Variants in CDH13 observed in about 807,000 individuals in gnomAD.
CDH13 encodes cadherin-13.
A neutral mutation model predicts 63.8 loss-of-function variants in CDH13; 24 were observed. That is an observed-to-expected ratio of 0.38 (90% CI 0.27 to 0.53). CDH13 has a LOEUF of 0.53. Among genes scored for constraint, CDH13 ranks in the 20% least tolerant of loss-of-function variants. CDH13 has a pLI of 0.85. For synonymous variants in CDH13, 503 were observed against 355.3 expected, an observed-to-expected ratio of 1.42 and a Z score of -4.67; for missense variants, 1,049 against 903.1, an observed-to-expected ratio of 1.16 and a Z score of -2.07.
At chr16:83,384,248 G>A (rs1288767574) in intron 6 of CDH13, among the ~76,000 whole-genome samples, 1 of 152,058 alleles carries the variant, frequency 6.6e-6, no homozygotes, top group Non-Finnish European at 1.5e-5. Flanking sequence ...TTGATTTGAT[G>A]AAATCACATG....
intron 1 of CDH13, chr16:82,688,953 A>G (rs1915359561): frequency 6.6e-6 from 1 of 152,166 alleles, no homozygotes; most frequent in Non-Finnish European, 1.5e-5. Flanking sequence ...GTGCTGAGAC[A>G]TTAAAGATCC....
chr16:83,355,136 T>C (rs1300459709), intron 6 of CDH13, among the ~76,000 whole-genome samples: 3 of 152,198 alleles, frequency 2.0e-5, no homozygotes, highest in East Asian at 3.9e-4. Context: ...TGCTATTCTG[T>C]GGAGAGAGAA....
At chr16:83,269,080 A>G (rs577842385) in intron 5 of CDH13, among the ~76,000 whole-genome samples, 9 of 152,248 alleles carry the variant, frequency 5.9e-5, no homozygotes, top group Non-Finnish European at 8.8e-5. Flanking sequence ...CAGAAAAACA[A>G]TGACTTCATA....
In CDH13 at chr16:83,540,649, C is replaced by T. The variant is rs1030754399; in HGVS notation, c.960+53994C>T. On this transcript the variant is annotated intron_variant, in intron 7 of 13. Coordinates refer to ENST00000567109, the MANE Select transcript of CDH13 (RefSeq NM_001257.5). ...CACTCTCAAGTAGTAACAGTAGTAA[C>T]TGTCCTAATGACATCTCAAGTAGTA... Among the ~76,000 whole-genome samples, 3 of 152,336 alleles carry T rather than the reference C, an allele frequency of 2.0e-5. No homozygotes were observed. In the East Asian group the frequency reaches 5.8e-4, roughly 29 times the overall value.
intron 1 of CDH13, among the ~76,000 whole-genome samples, chr16:82,831,140 G>T (rs572695937): frequency 1.3e-5 from 2 of 152,214 alleles, no homozygotes; most frequent in East Asian, 3.9e-4. Context: ...CACCAGACCT[G>T]TTGAATAGGA....
At chr16:83,146,918 T>C (rs1299311444) in intron 4 of CDH13, among the ~76,000 whole-genome samples, 2 of 152,132 alleles carry the variant, frequency 1.3e-5, no homozygotes, top group East Asian at 1.9e-4. Context: ...TGAAACCCTG[T>C]CTCTACTAAA....
intron 7 of CDH13, among the ~76,000 whole-genome samples, chr16:83,566,786 C>A (rs1315675856): frequency 6.6e-6 from 1 of 152,144 alleles, no homozygotes; most frequent in Non-Finnish European, 1.5e-5. Flanking sequence ...GCCTGGTGTT[C>A]TTTGCGTGTT....
intron 1 of CDH13, among the ~76,000 whole-genome samples, chr16:82,754,859 C>G (rs986804876): frequency 8.5e-5 from 13 of 152,124 alleles, no homozygotes; most frequent in African/African-American, 3.1e-4. Context: ...TCAGTGGGTA[C>G]TTCATGAGCC....
At chr16:83,401,216 T>G (rs998168774) in intron 6 of CDH13, among the ~76,000 whole-genome samples, 1 of 151,878 alleles carries the variant, frequency 6.6e-6, no homozygotes, top group Non-Finnish European at 1.5e-5. Context: ...TGTGCGCCTG[T>G]AATCCCAGCT....
chr16:82,699,621 A>G (rs1263930339), intron 1 of CDH13, among the ~76,000 whole-genome samples: 1 of 152,250 alleles, frequency 6.6e-6, no homozygotes, highest in Non-Finnish European at 1.5e-5. Context: ...ACAAGTCTTC[A>G]TGGTGATTAT....
intron 2 of CDH13, among the ~76,000 whole-genome samples, chr16:82,940,507 C>T (rs980373074): frequency 3.3e-5 from 5 of 152,070 alleles, no homozygotes; most frequent in Non-Finnish European, 5.9e-5. Flanking sequence ...AGTTTGATGC[C>T]TTGTTCCATA....
chr16:83,515,470 G>A (rs774380575), intron 7 of CDH13, among the ~76,000 whole-genome samples: 2 of 152,160 alleles, frequency 1.3e-5, no homozygotes, highest in Admixed American at 6.5e-5. Context: ...TGACACAATT[G>A]AAGGAGCTTC....
intron 1 of CDH13, among the ~76,000 whole-genome samples, chr16:82,817,106 GA>G (rs1853261407): frequency 2.0e-5 from 3 of 152,044 alleles, no homozygotes; most frequent in Admixed American, 1.3e-4. Flanking sequence ...CCAACACAGA[GA>G]ACCCTGAAGT....
intron 4 of CDH13, among the ~76,000 whole-genome samples, chr16:83,142,312 C>T (rs896756348): frequency 6.6e-6 from 1 of 151,878 alleles, no homozygotes; most frequent in African/African-American, 2.4e-5. Context: ...AGGTGTGTGC[C>T]CCCACACCTG....
chr16:83,405,323 C>T (rs2092026059), intron 6 of CDH13, among the ~76,000 whole-genome samples: 1 of 152,100 alleles, frequency 6.6e-6, no homozygotes, highest in African/African-American at 2.4e-5. Context: ...GCTTAGATTG[C>T]AAAAGGGACT....
In CDH13 at chr16:82,858,741, A is replaced by T. The variant is rs941576240; in HGVS notation, c.157+268A>T. 5 of 588,218 alleles carry T rather than the reference A, an allele frequency of 8.5e-6. No individual in the cohort carries two copies. In the East Asian group the frequency reaches 1.1e-4, roughly 13 times the overall value. 36.4% of individuals were successfully genotyped at this position (588,218 alleles called of 1,614,324 possible). ...CAGAAAAGGGGGCTGTCAGCCTCCA[A>T]TGAGAGTTGTACACTGTGCAAAGGA... On this transcript the variant is annotated intron_variant, in intron 2 of 13. Coordinates refer to ENST00000567109, the MANE Select transcript of CDH13 (RefSeq NM_001257.5).
chr16:83,187,049 C>T (rs1332900359), intron 4 of CDH13, among the ~76,000 whole-genome samples: 2 of 152,170 alleles, frequency 1.3e-5, no homozygotes, highest in African/African-American at 4.8e-5. Flanking sequence ...CAGCTCACTG[C>T]AACCTGCACC....
At chr16:82,660,445 CG>C (rs10714280) in intron 1 of CDH13, among the ~76,000 whole-genome samples, 34,772 of 152,082 alleles carry the variant, frequency 0.23, 6,039 homozygotes, top group African/African-American at 0.48. Flanking sequence ...CCGGGGCGTG[CG>C]GGGAAACCCA....
chr16:83,107,675 C>T (rs749668040), intron 3 of CDH13, among the ~76,000 whole-genome samples: 1 of 151,182 alleles, frequency 6.6e-6, no homozygotes, highest in Non-Finnish European at 1.5e-5. Context: ...CAGCTGAATT[C>T]TCTTTCTCTC....
Sources: allele counts gnomAD v4.1 joint callset (sites outside exome capture counted in the v4.1 genomes callset), GRCh38; gene constraint gnomAD v4.1.1; transcripts MANE v1.5; gene names NCBI Gene and HGNC (gene_info 2026-07-23, HGNC 2026-07-21).